The following KNDC1 variants were observed in gnomAD, a reference collection of about 807,000 sequenced individuals.
KNDC1 encodes the protein kinase non-catalytic C-lobe domain containing 1, also known as kinase non-catalytic C-lobe domain-containing protein 1.
Under a neutral mutation model 172.8 loss-of-function variants are expected in KNDC1, and 106 were observed. That is an observed-to-expected ratio of 0.61 (90% confidence interval 0.52 to 0.72). KNDC1 has a LOEUF of 0.72. Among genes scored for constraint, KNDC1 ranks in the 30% least tolerant of loss-of-function variants. The pLI is 0.00. For missense variants in KNDC1, 2,325 were observed against 2,394.5 expected, an observed-to-expected ratio of 0.97 and a Z score of 0.61; for synonymous variants, 1,083 against 1,062.2, an observed-to-expected ratio of 1.02 and a Z score of -0.38.
chr10:133,176,992 T>G (rs925802924), intron 3 of KNDC1, among the ~76,000 whole-genome samples: 4 of 152,214 alleles, frequency 2.6e-5, no homozygotes, highest in Non-Finnish European at 5.9e-5. Context: ...GCCTCTGCCA[T>G]CTGAGTCTGC....
rs765902245 is a variant in KNDC1, at chr10:133,189,736, C to T, written c.1514-16C>T. 1.9e-6 allele frequency: 3 copies of T among 1,614,028 alleles called. No individual in the cohort carries two copies. Among genetic ancestry groups the T allele is most frequent in the South Asian group, 1.1e-5 (1 of 91,070 alleles). ...TCGCCAGGGGTGAGGAAAGCTCAGT[C>T]GGGTTTCTCTCTTAGGTTCCTATGA... On this transcript the variant is annotated splice_polypyrimidine_tract_variant and intron_variant, in intron 8 of 29. Coordinates refer to ENST00000304613, the MANE Select transcript of KNDC1 (RefSeq NM_152643.8).
intron 3 of KNDC1, among the ~76,000 whole-genome samples, chr10:133,171,201 T>C (rs1417075899): frequency 1.3e-5 from 2 of 152,222 alleles, no homozygotes; most frequent in Non-Finnish European, 2.9e-5. Context: ...GTGTCTTAGA[T>C]ATAGTTTATT....
intron 3 of KNDC1, among the ~76,000 whole-genome samples, chr10:133,177,540 T>C (rs1853577217): frequency 1.3e-5 from 2 of 150,760 alleles, no homozygotes. Context: ...ACATAGTGTG[T>C]GTCATGAGCA....
chr10:133,164,447 G>C (rs1239949190), intron 1 of KNDC1, among the ~76,000 whole-genome samples: 16 of 152,230 alleles, frequency 1.1e-4, no homozygotes. Flanking sequence ...GCCTGCCGTG[G>C]GGCCCTCGTG....
chr10:133,162,726 G>A (rs1205399809), intron 1 of KNDC1, among the ~76,000 whole-genome samples: 1 of 152,260 alleles, frequency 6.6e-6, no homozygotes, highest in African/African-American at 2.4e-5. Flanking sequence ...CAAGGACGGC[G>A]CAGCAGCTCT....
At chr10:133,213,869 G>A in intron 25 of KNDC1, 103 bp from the exon 26 acceptor site, 3 of 1,499,328 alleles carry the variant, frequency 2.0e-6, no homozygotes, top group Admixed American at 1.7e-5. Flanking sequence ...AGTTGGAGCG[G>A]CCTCGTGGCC....
At chr10:133,195,857 C>A in intron 10 of KNDC1, 36 bp downstream of exon 10, 1 of 1,482,530 alleles carries the variant, frequency 6.7e-7, no homozygotes, top group South Asian at 1.3e-5. Context: ...AGCCCAGGGT[C>A]CAAGGACTGT....
intron 5 of KNDC1, among the ~76,000 whole-genome samples, chr10:133,184,811 T>C (rs1853844283): frequency 6.6e-6 from 1 of 152,246 alleles, no homozygotes; most frequent in South Asian, 2.1e-4. Flanking sequence ...GTGGCATTGG[T>C]GCCAGGCATC....
At chr10:133,195,128 C>T (rs758008102) in intron 9 of KNDC1, among the ~76,000 whole-genome samples, 1 of 152,248 alleles carries the variant, frequency 6.6e-6, no homozygotes, top group African/African-American at 2.4e-5. Context: ...TTGACTGGCT[C>T]TGTGGAACTT....
At chr10:133,170,457 G>A (rs780922710) in intron 3 of KNDC1, among the ~76,000 whole-genome samples, 20 of 152,156 alleles carry the variant, frequency 1.3e-4, no homozygotes, top group Non-Finnish European at 1.3e-4. Flanking sequence ...GGACAGCACC[G>A]CGCTGCATCT....
At chr10:133,188,066 C>T (rs1476138318) in intron 6 of KNDC1, among the ~76,000 whole-genome samples, 4 of 152,124 alleles carry the variant, frequency 2.6e-5, no homozygotes, top group African/African-American at 9.7e-5. Flanking sequence ...AGGGAGCCTG[C>T]GTGAGAACCC....
In KNDC1 at chr10:133,200,370, G is replaced by C. The variant is rs774818800; in HGVS notation, c.2904-5G>C. 2 of 1,582,638 alleles carry C rather than the reference G, an allele frequency of 1.3e-6. No homozygotes were observed. Among genetic ancestry groups the C allele is most frequent in the Non-Finnish European group, 1.7e-6 (2 of 1,165,720 alleles). On this transcript the variant is annotated splice_region_variant and splice_polypyrimidine_tract_variant and intron_variant, in intron 15 of 29. Transcript: ENST00000304613. ...GTGGGGACTGACCTGCATTCTCGTC[G>C]TCAGCACGGCCGAGGAGGCTGGGTC...
chr10:133,187,044 C>A (rs1194730486), intron 6 of KNDC1, among the ~76,000 whole-genome samples: 1 of 152,240 alleles, frequency 6.6e-6, no homozygotes, highest in African/African-American at 2.4e-5. Context: ...GGCTCCGTGT[C>A]CCCAGTCCTG....
At chr10:133,185,489 GAGTAGGCAGTGTGTGCAGTGTGA>G in intron 5 of KNDC1, among the ~76,000 whole-genome samples, 2 of 151,494 alleles carry the variant, frequency 1.3e-5, no homozygotes, top group South Asian at 2.1e-4. Context: ...GTGCAGTGTG[GAGTAGGCAGTGTGTGCAGTGTGA>G]AGTAGGCAGA....
At chr10:133,180,756 C>T (rs561153351) in intron 3 of KNDC1, among the ~76,000 whole-genome samples, 260 of 152,368 alleles carry the variant, frequency 1.7e-3, no homozygotes, top group African/African-American at 5.6e-3. Flanking sequence ...TGCGCAGGGG[C>T]GCTCGGCAGT....
In KNDC1 at chr10:133,198,974, C is replaced by T. The variant is rs1400492993; in HGVS notation, c.2466C>T (p.His822=). 1.3e-6 allele frequency: 2 copies of T among 1,546,466 alleles called. No individual in the cohort carries two copies. Among genetic ancestry groups the T allele is most frequent in the Non-Finnish European group, 1.7e-6 (2 of 1,150,442 alleles). ...RPDALGPTTA[H]HGPRHPPKPP... ...ACGCCCTGGGGCCCACCACGGCCCACCACGGCCCACGCCACCCGCCCAAGC... is the reference window on the plus strand; with the variant it reads ...ACGCCCTGGGGCCCACCACGGCCCATCACGGCCCACGCCACCCGCCCAAGC... The change falls in exon 14 of 30, where the codon CAC becomes CAT. Residue 822 remains histidine (H), a synonymous_variant. Transcript: ENST00000304613.
At chr10:133,220,955 G>A (rs1845575405) in intron 29 of KNDC1, among the ~76,000 whole-genome samples, 2 of 152,020 alleles carry the variant, frequency 1.3e-5, no homozygotes, top group South Asian at 4.1e-4. Flanking sequence ...CCCTCACTTG[G>A]CACTCACAGC....
chr10:133,179,535 G>A lies in KNDC1; in HGVS notation c.361-3809G>A, dbSNP rs1056243642. On this transcript the variant is annotated intron_variant, in intron 3 of 29. Coordinates refer to ENST00000304613, the MANE Select transcript of KNDC1 (RefSeq NM_152643.8). ...AGCGAGACTCGGGAGAGTGTAACCC[G>A]CTTCCTACCCCCTAGAGAGGTGGCC... Among the ~76,000 whole-genome samples, 6 of 152,322 alleles carry A rather than the reference G, an allele frequency of 3.9e-5. No individual in the cohort carries two copies. In the East Asian group the frequency reaches 1.2e-3, roughly 29 times the overall value.
At chr10:133,169,214 G>T (rs112329159) in intron 3 of KNDC1, among the ~76,000 whole-genome samples, 9 of 152,298 alleles carry the variant, frequency 5.9e-5, no homozygotes, top group Admixed American at 5.9e-4. Flanking sequence ...TAATCCCAGC[G>T]CTCTGGGAGG....
Sources: allele counts gnomAD v4.1 joint callset (sites outside exome capture counted in the v4.1 genomes callset), GRCh38; gene constraint gnomAD v4.1.1; transcripts MANE v1.5; gene names NCBI Gene and HGNC (gene_info 2026-07-23, HGNC 2026-07-21).